The following CFAP251 variants were observed in gnomAD, a reference collection of about 807,000 sequenced individuals.
CFAP251 encodes the protein cilia and flagella associated protein 251.
A neutral mutation model predicts 126.7 loss-of-function variants in CFAP251; 93 were observed. The observed-to-expected ratio is 0.73, with a 90% CI of 0.62 to 0.87. CFAP251 has a LOEUF of 0.87. Ranked by LOEUF, CFAP251 falls within the 40% of genes least tolerant of loss-of-function variation. The pLI is 0.00. For synonymous variants in CFAP251, 503 were observed against 506.9 expected (o/e 0.99, Z 0.10); for missense variants, 1,287 against 1,389.2 (o/e 0.93, Z 1.17).
chr12:121,956,716 G>T (rs1403708401), intron 10 of CFAP251, among the ~76,000 whole-genome samples: 2 of 152,072 alleles, frequency 1.3e-5, no homozygotes, highest in African/African-American at 4.8e-5. Context: ...GACTGGTCTC[G>T]AACTCCTGAC....
At chr12:121,928,626 G>GTGTATATATA (rs148145141) in intron 3 of CFAP251, among the ~76,000 whole-genome samples, 21 of 43,188 alleles carry the variant, frequency 4.9e-4, no homozygotes, top group East Asian at 3.7e-3. Flanking sequence ...ATGTATATGT[G>GTGTATATATA]TATATATATA....
At chr12:121,984,549 G>T (rs1248000913) in intron 19 of CFAP251, among the ~76,000 whole-genome samples, 2 of 152,082 alleles carry the variant, frequency 1.3e-5, no homozygotes, top group Non-Finnish European at 2.9e-5. Context: ...CTCCTGATCC[G>T]CCTGCCTTGG....
intron 19 of CFAP251, among the ~76,000 whole-genome samples, chr12:121,993,876 G>T (rs1882952528): frequency 1.9e-5 from 2 of 105,732 alleles, no homozygotes; most frequent in African/African-American, 7.6e-5. Context: ...CCGGCCAGCC[G>T]CCCCGTCCGG....
At chr12:121,919,050 C>T (rs548709055) in intron 1 of CFAP251, among the ~76,000 whole-genome samples, 1 of 152,204 alleles carries the variant, frequency 6.6e-6, no homozygotes, top group East Asian at 1.9e-4. Flanking sequence ...AAATCTCGTT[C>T]TTACTAGCGG....
intron 19 of CFAP251, among the ~76,000 whole-genome samples, chr12:121,996,674 AT>A (rs1194037838): frequency 1.3e-5 from 2 of 152,148 alleles, no homozygotes; most frequent in Non-Finnish European, 2.9e-5. Flanking sequence ...TTAAATTATT[AT>A]TTTTTTAAGC....
rs563628801 is a variant in CFAP251 at position 121,977,694 on chromosome 12, A to G, written c.3006+2009A>G. 1.7e-3 allele frequency among the ~76,000 whole-genome samples: 242 copies of G among 144,166 alleles called. 7 individuals are homozygous for G. Among genetic ancestry groups the G allele is most frequent in the African/African-American group, 4.9e-3 (188 of 38,618 alleles). The allele number at this position is 144,166 out of a possible 152,430, so 94.6% of individuals were successfully genotyped here. A position where few individuals can be genotyped will look rare whatever the true frequency, so the allele number is the denominator to read the frequency against. ...AAACTGGCCGGGTGTGGTGGCTCAG[A>G]CCTGTAATCCCAGCACTTTGGGAGG... On this transcript the variant is annotated intron_variant, in intron 19 of 21. Transcript: ENST00000288912.
chr12:121,969,305 C>T (rs1205454615), intron 17 of CFAP251: 3 of 985,310 alleles, frequency 3.0e-6, no homozygotes, highest in Admixed American at 6.1e-5. Flanking sequence ...CTGACTTCCA[C>T]CCCACCTTCA....
intron 19 of CFAP251, chr12:121,998,191 A>G (rs944260223): frequency 1.3e-5 from 2 of 151,850 alleles, no homozygotes; most frequent in African/African-American, 4.8e-5. Flanking sequence ...AGCTGGAACC[A>G]TAGGTGCATG....
At chr12:121,941,773 CT>C (rs1272535996) in intron 5 of CFAP251, among the ~76,000 whole-genome samples, 1 of 152,112 alleles carries the variant, frequency 6.6e-6, no homozygotes, top group Non-Finnish European at 1.5e-5. Context: ...CCTTTGTTTA[CT>C]TTTTCCATGA....
At chr12:122,003,148 C>A (rs1883185192) in intron 21 of CFAP251, among the ~76,000 whole-genome samples, 1 of 152,142 alleles carries the variant, frequency 6.6e-6, no homozygotes, top group South Asian at 2.1e-4. Context: ...GCGTTCTGTT[C>A]CGTAAAGGAG....
chr12:121,994,831 A>G (rs1882987419), intron 19 of CFAP251, among the ~76,000 whole-genome samples: 1 of 131,088 alleles, frequency 7.6e-6, no homozygotes, highest in Admixed American at 8.0e-5. Context: ...GGAAGGCCGC[A>G]GGGTCCTCTG....
chr12:121,956,598 C>T (rs1003667466), intron 10 of CFAP251, among the ~76,000 whole-genome samples: 14 of 152,128 alleles, frequency 9.2e-5, no homozygotes, highest in East Asian at 5.8e-4. Flanking sequence ...CATGTTCAAG[C>T]GATTCTCCTG....
At chr12:121,955,045 G>A (rs1881680336) in intron 10 of CFAP251, among the ~76,000 whole-genome samples, 1 of 152,238 alleles carries the variant, frequency 6.6e-6, no homozygotes, top group Non-Finnish European at 1.5e-5. Context: ...GCTCACGCCT[G>A]TAATCCCAGC....
chr12:122,000,508 C>T (rs769773085), intron 20 of CFAP251, among the ~76,000 whole-genome samples: 13 of 146,484 alleles, frequency 8.9e-5, no homozygotes, highest in Admixed American at 2.8e-4. Flanking sequence ...GCCAAGATCA[C>T]GCCACTGCAG....
intron 19 of CFAP251, among the ~76,000 whole-genome samples, chr12:121,978,094 T>C (rs1882514060): frequency 1.3e-5 from 2 of 151,572 alleles, no homozygotes; most frequent in African/African-American, 2.4e-5. Context: ...TTTTCCATTA[T>C]ATTAAAAATT....
chr12:121,999,227 G>A (rs1883094549), intron 19 of CFAP251: 1 of 152,994 alleles, frequency 6.5e-6, no homozygotes, highest in South Asian at 2.1e-4. Context: ...GCATTCTTGG[G>A]ATAAATCCCA....
chr12:121,942,997 A>G (rs1565907488), intron 7 of CFAP251, 22 bp downstream of exon 7: 2 of 1,613,622 alleles, frequency 1.2e-6, no homozygotes, highest in Admixed American at 3.3e-5. Context: ...TGGAGCCTGT[A>G]AACATCAACC....
At chr12:121,978,393 CAAAAAAAAAAAAA>C (rs10642280) in intron 19 of CFAP251, among the ~76,000 whole-genome samples, 2 of 42,122 alleles carry the variant, frequency 4.7e-5, no homozygotes, top group Non-Finnish European at 4.0e-5. Context: ...GACTCTGTCT[CAAAAAAAAAAAAA>C]AAAAAAAAAA....
intron 5 of CFAP251, among the ~76,000 whole-genome samples, chr12:121,938,974 G>T (rs1219160490): frequency 1.4e-5 from 2 of 146,324 alleles, no homozygotes; most frequent in African/African-American, 4.9e-5. Context: ...GCGACAGAGC[G>T]AGAATTCATC....
Sources: allele counts gnomAD v4.1 joint callset (sites outside exome capture counted in the v4.1 genomes callset), GRCh38; gene constraint gnomAD v4.1.1; transcripts MANE v1.5; gene names NCBI Gene and HGNC (gene_info 2026-07-23, HGNC 2026-07-21).